The following ADGRG6 variants were observed in gnomAD, a reference collection of about 807,000 sequenced individuals.
ADGRG6 encodes adhesion G protein-coupled receptor G6.
ADGRG6 carries 84 observed loss-of-function variants against 142.4 expected under a neutral mutation model. The observed-to-expected ratio is 0.59, with a 90% CI of 0.49 to 0.71. The LOEUF (loss-of-function observed/expected upper bound fraction) is 0.71. Among genes scored for constraint, ADGRG6 ranks in the 30% least tolerant of loss-of-function variants. The pLI, the probability that ADGRG6 is intolerant of heterozygous loss-of-function variation, is 0.00. For missense variants in ADGRG6, 1,367 were observed against 1,466.6 expected (o/e 0.93, Z 1.11); for synonymous variants, 521 against 520.5 (o/e 1.00, Z -0.01).
At chr6:142,387,842 T>C (rs1782106965) in intron 6 of ADGRG6, among the ~76,000 whole-genome samples, 2 of 152,196 alleles carry the variant, frequency 1.3e-5, no homozygotes, top group Admixed American at 6.5e-5. Context: ...GAAAGAAGTA[T>C]CTAAATGGAA....
intron 2 of ADGRG6, among the ~76,000 whole-genome samples, chr6:142,327,899 T>C (rs1778855769): frequency 6.6e-6 from 1 of 152,190 alleles, no homozygotes. Context: ...GTTACTTTAT[T>C]TTGCATATTG....
rs1422798949 is a variant in ADGRG6 at position 142,401,990 on chromosome 6, A to G, written c.1680-4A>G. 3 of 1,415,328 alleles carry G rather than the reference A, an allele frequency of 2.1e-6. No individual in the cohort carries two copies. Among genetic ancestry groups the G allele is most frequent in the Admixed American group, 1.8e-5 (1 of 54,462 alleles). The allele number at this position is 1,415,328 out of a possible 1,614,324, so 87.7% of individuals were successfully genotyped here. A position where few individuals can be genotyped will look rare whatever the true frequency, so the allele number is the denominator to read the frequency against. On this transcript the variant is annotated splice_region_variant and splice_polypyrimidine_tract_variant and intron_variant, in intron 11 of 24. Coordinates refer to ENST00000367609, the MANE Select transcript of ADGRG6 (RefSeq NM_198569.3). ...ATATTTAAAATATCTATTTTGTTTCATAGTTTTTACAATGCTACCAACCCA... is the reference window on the plus strand; with the variant it reads ...ATATTTAAAATATCTATTTTGTTTCGTAGTTTTTACAATGCTACCAACCCA...
rs1774977234 is a variant in ADGRG6, at chr6:142,392,948, C to T, written c.1309C>T (p.Leu437Phe). 6.9e-6 allele frequency: 11 copies of T among 1,593,448 alleles called. 1 individual carries two copies. Among genetic ancestry groups the T allele is most frequent in the South Asian group, 4.4e-5 (4 of 90,456 alleles). Residue 437 changes from leucine to phenylalanine, a missense_variant and splice_region_variant, in exon 8 of 25, where the codon CTC becomes TTC. This residue lies in a region of ADGRG6 where 737 missense variants were observed against 746.5 expected (regional missense o/e 0.99). Transcript: ENST00000367609. ...VKVQSKVAEWLNSTFQNWNYT... is the reference protein window; with the variant it reads ...VKVQSKVAEWFNSTFQNWNYT... ...CAGCCTTTTCCATTGTGTTTTCCAG[C>T]TCAATTCAACCTTCCAAAATTGGAA...
chr6:142,383,704 A>G (rs1439008369), intron 5 of ADGRG6, 56 bp from the exon 6 acceptor site: 2 of 821,818 alleles, frequency 2.4e-6, no homozygotes, highest in Non-Finnish European at 4.2e-6. Context: ...TTGCTTATCC[A>G]AATTAACTGT....
chr6:142,305,469 C>CAA (rs1491005079), intron 1 of ADGRG6, among the ~76,000 whole-genome samples: 1 of 138,854 alleles, frequency 7.2e-6, no homozygotes, highest in Non-Finnish European at 1.6e-5. Flanking sequence ...CACACACACA[C>CAA]AATTTTTTTC....
chr6:142,358,613 A>G (rs886751202), intron 2 of ADGRG6, among the ~76,000 whole-genome samples: 10 of 152,208 alleles, frequency 6.6e-5, no homozygotes, highest in African/African-American at 2.2e-4. Flanking sequence ...CAAGGCTTTA[A>G]AAAGTATCTG....
intron 2 of ADGRG6, among the ~76,000 whole-genome samples, chr6:142,337,085 T>C (rs1339366831): frequency 6.6e-6 from 1 of 152,188 alleles, no homozygotes; most frequent in Non-Finnish European, 1.5e-5. Flanking sequence ...TTTTTTCTCT[T>C]TTGGAATAAA....
chr6:142,304,334 G>C (rs1393426855), intron 1 of ADGRG6, among the ~76,000 whole-genome samples: 1 of 152,106 alleles, frequency 6.6e-6, no homozygotes, highest in Non-Finnish European at 1.5e-5. Flanking sequence ...GAATATATTT[G>C]GGAGTTGTAG....
At chr6:142,396,359 A>G (rs1399058184) in intron 9 of ADGRG6, among the ~76,000 whole-genome samples, 1 of 152,212 alleles carries the variant, frequency 6.6e-6, no homozygotes, top group Non-Finnish European at 1.5e-5. Context: ...AATGGTAAGC[A>G]GTAGATCATT....
Position 142,302,222 on chromosome 6 carries a change from AG to A in ADGRG6, c.-105del, listed in dbSNP as rs36028495. On this transcript the variant is annotated 5_prime_UTR_variant, in exon 1 of 25. Coordinates refer to ENST00000367609, the MANE Select transcript of ADGRG6 (RefSeq NM_198569.3). ...GTAAAGGAGGGTCCCGCCGCGGCGC[AG>A]GGCTGGGGCGCCTGGGTTCCCCCTG... 1 of 1,311,208 alleles carries A rather than the reference AG, an allele frequency of 7.6e-7. No individual in the cohort carries two copies. Among genetic ancestry groups the A allele is most frequent in the Non-Finnish European group, 1.1e-6 (1 of 943,128 alleles). The allele number at this position is 1,311,208 out of a possible 1,614,324, so 81.2% of individuals were successfully genotyped here. A position where few individuals can be genotyped will look rare whatever the true frequency, so the allele number is the denominator to read the frequency against.
At chr6:142,418,606 A>G (rs912741446) in intron 21 of ADGRG6, among the ~76,000 whole-genome samples, 98 of 152,300 alleles carry the variant, frequency 6.4e-4, no homozygotes, top group African/African-American at 2.2e-3. Flanking sequence ...TCATCAACTC[A>G]TACAGAACTT....
intron 2 of ADGRG6, among the ~76,000 whole-genome samples, chr6:142,311,776 T>C (rs766263575): frequency 5.9e-5 from 9 of 152,070 alleles, no homozygotes; most frequent in Non-Finnish European, 1.0e-4. Context: ...AGCCATCTCT[T>C]GAGTTGCTGA....
At chr6:142,363,808 T>A (rs747805130) in intron 2 of ADGRG6, among the ~76,000 whole-genome samples, 56 of 152,150 alleles carry the variant, frequency 3.7e-4, no homozygotes, top group Non-Finnish European at 7.1e-4. Context: ...ATTTGACTAC[T>A]CCAAATTGGA....
chr6:142,317,858 A>G (rs1243832786), intron 2 of ADGRG6, among the ~76,000 whole-genome samples: 3 of 81,652 alleles, frequency 3.7e-5, no homozygotes, highest in African/African-American at 5.2e-5. Flanking sequence ...ATATATATTT[A>G]TATTATATTT....
rs1251187592 is a variant in ADGRG6, at chr6:142,415,785, T to C, written c.2670-11T>C. The C allele has an allele frequency of 6.3e-7, 1 of 1,599,786 alleles. No individual in the cohort carries two copies. The highest frequency in any genetic ancestry group is 1.3e-5 in the African/African-American group (1 of 74,498). ...TTAGTTCTCTCATAGATTCCTTTTT[T>C]CATTTTTTAGGAAATTGCGAAGGGA... On this transcript the variant is annotated splice_polypyrimidine_tract_variant and intron_variant, in intron 19 of 24. Coordinates refer to ENST00000367609, the MANE Select transcript of ADGRG6 (RefSeq NM_198569.3).
chr6:142,329,390 A>G lies in ADGRG6; in HGVS notation c.103+19746A>G, dbSNP rs924736266. On this transcript the variant is annotated intron_variant, in intron 2 of 24. Coordinates refer to ENST00000367609, the MANE Select transcript of ADGRG6 (RefSeq NM_198569.3). ...TTTATTAGTAACTAAAAGTAGCTAT[A>G]AAGAAGACATTTATGCCAAAATATT... is the stretch of plus-strand genomic sequence containing the variant. 6.6e-5 allele frequency among the ~76,000 whole-genome samples: 10 copies of G among 152,186 alleles called. No individual in the cohort carries two copies. The South Asian group carries it at 1.7e-3, about 25-fold the overall frequency.
intron 11 of ADGRG6, among the ~76,000 whole-genome samples, chr6:142,401,629 T>C (rs1004097209): frequency 6.6e-6 from 1 of 152,132 alleles, no homozygotes. Flanking sequence ...ATATCATTTA[T>C]AGGAAAACAG....
intron 2 of ADGRG6, among the ~76,000 whole-genome samples, chr6:142,353,966 T>A (rs1357809044): frequency 6.6e-6 from 1 of 152,210 alleles, no homozygotes; most frequent in Non-Finnish European, 1.5e-5. Context: ...CCAGGCAATG[T>A]GCTATTTCTA....
intron 18 of ADGRG6, among the ~76,000 whole-genome samples, chr6:142,412,139 C>T (rs372225777): frequency 6.6e-6 from 1 of 152,162 alleles, no homozygotes; most frequent in African/African-American, 2.4e-5. Context: ...CACCACGCAT[C>T]CAGCGACTTC....
Sources: allele counts gnomAD v4.1 joint callset (sites outside exome capture counted in the v4.1 genomes callset), GRCh38; gene constraint gnomAD v4.1.1; regional missense constraint gnomAD v4.1.1; transcripts MANE v1.5; gene names NCBI Gene and HGNC (gene_info 2026-07-23, HGNC 2026-07-21).